The following LUZP2 variants were observed in gnomAD, a reference collection of about 807,000 sequenced individuals.
LUZP2 encodes the protein leucine zipper protein 2.
Under a neutral mutation model 51.6 loss-of-function variants are expected in LUZP2, and 52 were observed. That is an observed-to-expected ratio of 1.01 (90% CI 0.81 to 1.27). The LOEUF (loss-of-function observed/expected upper bound fraction) is 1.27. Ranked by LOEUF, LUZP2 falls within the 50% of genes most tolerant of loss-of-function variation. The pLI, the probability that LUZP2 is intolerant of heterozygous loss-of-function variation, is 0.00. For synonymous variants in LUZP2, 154 were observed against 137.3 expected (o/e 1.12, Z -0.85); for missense variants, 436 against 395.4 (o/e 1.10, Z -0.87).
intron 10 of LUZP2, 72 bp from the exon 11 acceptor site, chr11:25,077,257 A>C: frequency 1.9e-6 from 2 of 1,078,000 alleles, no homozygotes; most frequent in Non-Finnish European, 2.9e-6. Flanking sequence ...AATTCAAGAG[A>C]GTGTTTTTGA....
chr11:24,535,083 G>A (rs566903318), intron 1 of LUZP2, among the ~76,000 whole-genome samples: 159 of 150,938 alleles, frequency 1.1e-3, no homozygotes, highest in African/African-American at 3.6e-3. Context: ...TATTAAGTGT[G>A]CAATATCATT....
intron 4 of LUZP2, among the ~76,000 whole-genome samples, chr11:24,758,091 A>G (rs1316696723): frequency 6.6e-6 from 1 of 152,152 alleles, no homozygotes; most frequent in Non-Finnish European, 1.5e-5. Flanking sequence ...AATTCATAAC[A>G]ATATGACTAA....
intron 9 of LUZP2, among the ~76,000 whole-genome samples, chr11:25,006,678 C>A (rs1262543506): frequency 1.3e-5 from 2 of 152,154 alleles, no homozygotes; most frequent in African/African-American, 4.8e-5. Context: ...ATGGCACTCA[C>A]CACTTGGCGA....
chr11:24,698,728 G>T (rs757667389), intron 1 of LUZP2, among the ~76,000 whole-genome samples: 1 of 152,058 alleles, frequency 6.6e-6, no homozygotes, highest in Non-Finnish European at 1.5e-5. Flanking sequence ...GTTTTCTGCA[G>T]CTGCCAGCTT....
At chr11:24,782,119 G>C (rs2631397) in intron 5 of LUZP2, among the ~76,000 whole-genome samples, 108,890 of 151,952 alleles carry the variant, frequency 0.72, 39,832 homozygotes, top group East Asian at 0.86. Context: ...GGTGTGACTT[G>C]AGGTTGGCAA....
intron 5 of LUZP2, among the ~76,000 whole-genome samples, chr11:24,852,943 C>A (rs1408270124): frequency 1.3e-5 from 2 of 152,054 alleles, no homozygotes; most frequent in African/African-American, 2.4e-5. Flanking sequence ...TCCTCCATCC[C>A]TTTATTCTGA....
At chr11:24,701,194 G>C (rs1857411717) in intron 1 of LUZP2, 1 of 153,882 alleles carries the variant, frequency 6.5e-6, no homozygotes, top group Admixed American at 6.5e-5. Flanking sequence ...GAGCAGCAGA[G>C]ACCAGGCAGT....
At chr11:24,738,714 A>G (rs1859029131) in intron 4 of LUZP2, among the ~76,000 whole-genome samples, 1 of 151,994 alleles carries the variant, frequency 6.6e-6, no homozygotes, top group Non-Finnish European at 1.5e-5. Flanking sequence ...TATTTAATCC[A>G]TCCCACGGGT....
At chr11:24,956,195 C>T (rs1430561866) in intron 7 of LUZP2, among the ~76,000 whole-genome samples, 3 of 151,728 alleles carry the variant, frequency 2.0e-5, no homozygotes, top group Admixed American at 2.0e-4. Flanking sequence ...ATTCTAATTC[C>T]TAGAACATGT....
At chr11:24,777,107 G>C (rs541280303) in intron 5 of LUZP2, among the ~76,000 whole-genome samples, 211 of 150,984 alleles carry the variant, frequency 1.4e-3, no homozygotes, top group African/African-American at 4.9e-3. Context: ...CCATTCTCCT[G>C]CCTCAGCCTC....
rs561544976 is a variant in LUZP2, at chr11:25,048,658, A to G, written c.766-1380A>G. 1.7e-4 allele frequency among the ~76,000 whole-genome samples: 26 copies of G among 152,206 alleles called. No individual in the cohort carries two copies. The South Asian group carries it at 2.9e-3, about 17-fold the overall frequency. ...GTTTAATTATTTTTTAATCCTAGAG[A>G]AATTAGAGGGGAGGTCAGACGTAGG... On this transcript the variant is annotated intron_variant, in intron 9 of 11. Coordinates refer to ENST00000336930, the MANE Select transcript of LUZP2 (RefSeq NM_001009909.4).
chr11:24,521,582 A>G (rs1850646699), intron 1 of LUZP2, among the ~76,000 whole-genome samples: 1 of 152,094 alleles, frequency 6.6e-6, no homozygotes, highest in Non-Finnish European at 1.5e-5. Flanking sequence ...GAGTCAATAT[A>G]TCATTGCCCA....
At chr11:24,835,352 A>C (rs189589999) in intron 5 of LUZP2, among the ~76,000 whole-genome samples, 28 of 152,322 alleles carry the variant, frequency 1.8e-4, no homozygotes, top group African/African-American at 6.7e-4. Flanking sequence ...AAATCATAAA[A>C]ACCCTAAAAG....
At position 24,929,470 on chromosome 11, in the gene LUZP2, G is replaced by T. The variant is rs575458451; in HGVS notation, c.522+14932G>T. ...TTTAAATTTCCATCTTGATATCATT[G>T]TTTACCCAGTGATCATTGAGGAGTA... On this transcript the variant is annotated intron_variant, in intron 7 of 11. Transcript: ENST00000336930. Among the ~76,000 whole-genome samples, 3 of 152,074 alleles carry T rather than the reference G, an allele frequency of 2.0e-5. No homozygotes were observed. In the South Asian group the frequency reaches 6.2e-4, roughly 32 times the overall value.
intron 5 of LUZP2, among the ~76,000 whole-genome samples, chr11:24,805,476 G>A (rs118022869): frequency 0.011 from 1,671 of 152,132 alleles, 28 homozygotes; most frequent in East Asian, 0.062. Flanking sequence ...CAGTCATTGC[G>A]CCTGGCCAGA....
At chr11:24,505,447 C>G (rs534124069) in intron 1 of LUZP2, among the ~76,000 whole-genome samples, 9 of 152,234 alleles carry the variant, frequency 5.9e-5, no homozygotes, top group African/African-American at 2.2e-4. Flanking sequence ...AACAGTGCCT[C>G]TCTCATAGAT....
intron 1 of LUZP2, among the ~76,000 whole-genome samples, chr11:24,525,643 C>CT (rs79821279): frequency 0.087 from 13,167 of 151,134 alleles, 634 homozygotes; most frequent in African/African-American, 0.12. Flanking sequence ...TAATATACTG[C>CT]TTTTTTATGA....
chr11:24,923,166 T>C (rs1854124508), intron 7 of LUZP2, among the ~76,000 whole-genome samples: 1 of 151,916 alleles, frequency 6.6e-6, no homozygotes, highest in Admixed American at 6.6e-5. Context: ...TATATCTTAA[T>C]CGAAGTATTT....
intron 1 of LUZP2, among the ~76,000 whole-genome samples, chr11:24,589,580 C>A (rs1420098793): frequency 6.6e-6 from 1 of 152,128 alleles, no homozygotes; most frequent in African/African-American, 2.4e-5. Flanking sequence ...GCATAGAATA[C>A]ACTCGAAGGA....
Sources: allele counts gnomAD v4.1 joint callset (sites outside exome capture counted in the v4.1 genomes callset), GRCh38; gene constraint gnomAD v4.1.1; transcripts MANE v1.5; gene names NCBI Gene and HGNC (gene_info 2026-07-23, HGNC 2026-07-21).